Variants in ZMIZ1 observed in about 807,000 individuals in gnomAD.
ZMIZ1 encodes the protein zinc finger MIZ domain-containing protein 1.
In ZMIZ1, 17 loss-of-function variants were observed where a neutral mutation model predicts 113.9. The ratio of observed to expected loss-of-function variants is 0.15; its 90% confidence interval spans 0.10 to 0.22. The LOEUF (loss-of-function observed/expected upper bound fraction) is 0.22. Ranked by LOEUF, ZMIZ1 falls within the 10% of genes least tolerant of loss-of-function variation. The pLI, the probability that ZMIZ1 is intolerant of heterozygous loss-of-function variation, is 1.00. For missense variants in ZMIZ1, 1,059 were observed against 1,477.8 expected (o/e 0.72, Z 4.65); for synonymous variants, 607 against 603.1 (o/e 1.01, Z -0.09).
chr10:79,169,726 G>A (rs933065844), intron 4 of ZMIZ1, among the ~76,000 whole-genome samples: 1 of 152,242 alleles, frequency 6.6e-6, no homozygotes, highest in Non-Finnish European at 1.5e-5. Context: ...AGCCAGGTGA[G>A]TCTGGACAAG....
At chr10:79,107,506 TCA>T (rs988845901) in intron 1 of ZMIZ1, among the ~76,000 whole-genome samples, 7 of 152,200 alleles carry the variant, frequency 4.6e-5, no homozygotes, top group African/African-American at 1.2e-4. Context: ...TCAGAGTTGC[TCA>T]CAGTCTGGTG....
chr10:79,106,486 T>C (rs1256625410), intron 1 of ZMIZ1, among the ~76,000 whole-genome samples: 1 of 152,232 alleles, frequency 6.6e-6, no homozygotes, highest in Admixed American at 6.5e-5. Flanking sequence ...GTGACTCATA[T>C]GCTCCCCCAA....
chr10:79,084,209 C>G (rs1842739593), intron 1 of ZMIZ1, among the ~76,000 whole-genome samples: 1 of 152,232 alleles, frequency 6.6e-6, no homozygotes, highest in African/African-American at 2.4e-5. Flanking sequence ...ACTCTCTCCC[C>G]TGACACTCTC....
intron 7 of ZMIZ1, among the ~76,000 whole-genome samples, chr10:79,270,694 C>T (rs78460404): frequency 0.034 from 5,144 of 152,224 alleles, 131 homozygotes; most frequent in Middle Eastern, 0.058. Context: ...GGTCAACTGT[C>T]GCTTCTGCTG....
At chr10:79,075,130 G>A (rs1842426712) in intron 1 of ZMIZ1, among the ~76,000 whole-genome samples, 1 of 152,252 alleles carries the variant, frequency 6.6e-6, no homozygotes, top group South Asian at 2.1e-4. Flanking sequence ...ACAGCCAGCT[G>A]AGGGCCTGGG....
intron 7 of ZMIZ1, chr10:79,243,686 GCC>G: frequency 3.3e-6 from 1 of 307,018 alleles, no homozygotes; most frequent in Non-Finnish European, 6.5e-6. Context: ...CGCCGGCCGG[GCC>G]CCAAGCCCCC....
chr10:79,300,146 C>A (rs980938112), intron 16 of ZMIZ1, among the ~76,000 whole-genome samples: 2 of 152,238 alleles, frequency 1.3e-5, no homozygotes, highest in African/African-American at 4.8e-5. Context: ...CGGGACAAAC[C>A]ACTGTGCTGC....
chr10:79,291,404 A>T (rs1302440784), intron 10 of ZMIZ1, among the ~76,000 whole-genome samples: 1 of 152,270 alleles, frequency 6.6e-6, no homozygotes, highest in Admixed American at 6.5e-5. Context: ...ACTCGTAGAA[A>T]TAGAGAGGTG....
At chr10:79,255,231 C>A (rs1850810529) in intron 7 of ZMIZ1, among the ~76,000 whole-genome samples, 1 of 152,214 alleles carries the variant, frequency 6.6e-6, no homozygotes, top group Non-Finnish European at 1.5e-5. Context: ...ATCTGCCACC[C>A]TGTTTCCAGG....
chr10:79,307,256 C>G, intron 22 of ZMIZ1, 149 bp from the exon 23 acceptor site: 1 of 730,632 alleles, frequency 1.4e-6, no homozygotes, highest in South Asian at 1.8e-5. Context: ...CTCTATCCTA[C>G]AGCCCGGAAG....
intron 2 of ZMIZ1, among the ~76,000 whole-genome samples, chr10:79,133,645 A>G (rs1436058080): frequency 6.6e-6 from 1 of 152,024 alleles, no homozygotes; most frequent in Non-Finnish European, 1.5e-5. Context: ...TTGGTAGTGC[A>G]TTTTCATAGC....
At chr10:79,228,159 C>T (rs1273806598) in intron 7 of ZMIZ1, among the ~76,000 whole-genome samples, 1 of 152,190 alleles carries the variant, frequency 6.6e-6, no homozygotes, top group Non-Finnish European at 1.5e-5. Flanking sequence ...TTTAAAGTAC[C>T]ATTTATTGAG....
Position 79,201,585 on chromosome 10 carries a change from C to A in ZMIZ1, c.-48C>A, listed in dbSNP as rs1170459042. 6.2e-7 allele frequency: 1 copy of A among 1,606,566 alleles called. No individual in the cohort carries two copies. Among genetic ancestry groups the A allele is most frequent in the Non-Finnish European group, 8.5e-7 (1 of 1,174,984 alleles). ...ACAACCTCTCCTTTCTCTTCGCAGG[C>A]TGGACAACGTTCATGGCTCTCGGGT... On this transcript the variant is annotated splice_region_variant and 5_prime_UTR_variant, in exon 5 of 25. In the 5' UTR this introduces an upstream ATG that the reference lacks. Coordinates refer to ENST00000334512, the MANE Select transcript of ZMIZ1 (RefSeq NM_020338.4).
At chr10:79,227,203 TGC>T (rs749911691) in intron 7 of ZMIZ1, among the ~76,000 whole-genome samples, 42 of 152,328 alleles carry the variant, frequency 2.8e-4, no homozygotes, top group Non-Finnish European at 5.3e-4. Flanking sequence ...ATTTGAGAGC[TGC>T]CAAAGATCAC....
chr10:79,131,959 C>T (rs535321207), intron 2 of ZMIZ1, among the ~76,000 whole-genome samples: 43 of 152,318 alleles, frequency 2.8e-4, no homozygotes, highest in African/African-American at 9.6e-4. Flanking sequence ...ATTTCTAGAC[C>T]TTGCCAGGGC....
intron 23 of ZMIZ1, among the ~76,000 whole-genome samples, chr10:79,308,907 G>A (rs935228246): frequency 2.6e-5 from 4 of 152,120 alleles, no homozygotes; most frequent in Non-Finnish European, 5.9e-5. Flanking sequence ...TGTGAGCCCC[G>A]CTGCCTGCAT....
intron 1 of ZMIZ1, among the ~76,000 whole-genome samples, chr10:79,098,276 G>A (rs1020883716): frequency 6.6e-6 from 1 of 152,176 alleles, no homozygotes; most frequent in African/African-American, 2.4e-5. Context: ...CTTTGGCCAG[G>A]CCAGGCCCCA....
At chr10:79,255,996 A>T (rs2132912954) in intron 7 of ZMIZ1, among the ~76,000 whole-genome samples, 1 of 152,238 alleles carries the variant, frequency 6.6e-6, no homozygotes, top group African/African-American at 2.4e-5. Context: ...TTGGAAAGGG[A>T]TGGGGGGAAT....
At chr10:79,243,574 C>T (rs562483759) in intron 7 of ZMIZ1, 1 of 147,130 alleles carries the variant, frequency 6.8e-6, no homozygotes, top group Non-Finnish European at 1.5e-5. Flanking sequence ...GCCGCCGCCG[C>T]CGCCGGGGCG....
Sources: allele counts gnomAD v4.1 joint callset (sites outside exome capture counted in the v4.1 genomes callset), GRCh38; gene constraint gnomAD v4.1.1; transcripts MANE v1.5; gene names NCBI Gene and HGNC (gene_info 2026-07-23, HGNC 2026-07-21).